ZNF805: variants seen among roughly 807,000 people sequenced by gnomAD.
The protein encoded by ZNF805 is zinc finger protein 805.
A neutral mutation model predicts 13.6 loss-of-function variants in ZNF805; 7 were observed. That is an observed-to-expected ratio of 0.51 (90% CI 0.29 to 0.97). The LOEUF is 0.97. Among genes scored for constraint, ZNF805 ranks in the 50% least tolerant of loss-of-function variants. ZNF805 has a pLI of 0.08. For missense variants in ZNF805, 604 were observed against 771.0 expected (o/e 0.78, Z 2.57); for synonymous variants, 293 against 279.8 (o/e 1.05, Z -0.47).
chr19:57,245,695 C>T (rs975117989), intron 2 of ZNF805, among the ~76,000 whole-genome samples: 25 of 151,312 alleles, frequency 1.7e-4, no homozygotes, highest in South Asian at 4.2e-4. Context: ...AGGAGAATGG[C>T]GTGAACCCAG....
intron 3 of ZNF805, among the ~76,000 whole-genome samples, chr19:57,252,686 A>G (rs2087658772): frequency 6.6e-6 from 1 of 152,194 alleles, no homozygotes; most frequent in South Asian, 2.1e-4. Flanking sequence ...TTCAGCTGAT[A>G]TCTTGTGGCT....
rs565177614 is a variant in ZNF805 at position 57,245,591 on chromosome 19, A to G, written c.157+1542A>G. On this transcript the variant is annotated intron_variant, in intron 2 of 3. Transcript: ENST00000414468. ...TCAGGAGATAGAGACCATCCTGGCT[A>G]ACACGGTGCAACCCTGTCTCTACTA... Among the ~76,000 whole-genome samples, 56 of 148,742 alleles carry G rather than the reference A, an allele frequency of 3.8e-4. No individual in the cohort carries two copies. The East Asian group carries it at 4.5e-3, about 12-fold the overall frequency.
At position 57,254,412 on chromosome 19, in the gene ZNF805, C is replaced by T. The variant is rs1248632764; in HGVS notation, c.1593C>T (p.Ile531=). 1.1e-5 allele frequency: 18 copies of T among 1,613,946 alleles called. No homozygotes were observed. In the South Asian group the frequency reaches 1.9e-4, roughly 17 times the overall value. ...CWSTNLIRHS[I]IHTGEKPYEC... is the part of the protein sequence containing the mutation. The stretch of plus-strand genomic sequence containing the variant: ...GCACAAACCTCATTCGACACTCTAT[C>T]ATCCACACTGGAGAGAAGCCGTATG... Residue 531 remains isoleucine (I), a synonymous_variant, in exon 4 of 4, where the codon ATC becomes ATT. Transcript: ENST00000414468.
rs1471534702 is a variant in ZNF805, at chr19:57,253,788, C to G, written c.969C>G (p.Ala323=). The part of the protein sequence containing the change: ...KPFVCKECGK[A]FRDRPGFIRH... ...TTGTGTGCAAAGAGTGTGGCAAAGCCTTTCGAGATAGGCCAGGTTTCATTC... is the reference window on the plus strand; with the variant it reads ...TTGTGTGCAAAGAGTGTGGCAAAGCGTTTCGAGATAGGCCAGGTTTCATTC... The change falls in exon 4 of 4, where the codon GCC becomes GCG. Residue 323 remains alanine, a synonymous_variant. Coordinates refer to ENST00000414468, the MANE Select transcript of ZNF805 (RefSeq NM_001023563.4). This position sits in a 1 kb window ranked among gnomAD's most constrained non-coding sequence, Gnocchi z 4.4. The G allele has an allele frequency of 6.2e-7, 1 of 1,613,918 alleles. No homozygotes were observed. The highest frequency in any genetic ancestry group is 1.7e-5 in the Admixed American group (1 of 59,994).
At chr19:57,247,968 A>C (rs1401928315) in intron 2 of ZNF805, among the ~76,000 whole-genome samples, 2 of 152,220 alleles carry the variant, frequency 1.3e-5, no homozygotes, top group Non-Finnish European at 2.9e-5. Flanking sequence ...GCACTCTGGG[A>C]GGCCTAGGCG....
chr19:57,258,626 C>CTTCCA lies in ZNF805; in HGVS notation c.*3925_*3926insCCATT, dbSNP rs71186240. On this transcript the variant is annotated 3_prime_UTR_variant, in exon 4 of 4. Transcript: ENST00000414468. ...AGCACTTTGATGTATAGAAACCTTA[C>CTTCCA]TTGGTCCCTTCACCTTGCCTGTTAA... Among the ~76,000 whole-genome samples the CTTCCA allele has an allele frequency of 0.44, 66,484 of 151,276 alleles. 15,822 individuals carry two copies. Among genetic ancestry groups the CTTCCA allele is most frequent in the Non-Finnish European group, 0.53 (35,953 of 67,666 alleles).
intron 1 of ZNF805, among the ~76,000 whole-genome samples, chr19:57,242,793 G>T (rs565263649): frequency 2.0e-5 from 3 of 152,348 alleles, no homozygotes; most frequent in African/African-American, 7.2e-5. Flanking sequence ...GCAAAAATAT[G>T]TAGAAATGCT....
chr19:57,254,364 G>A lies in ZNF805; in HGVS notation c.1545G>A (p.Glu515=), dbSNP rs1174228061. The A allele has an allele frequency of 3.7e-6, 6 of 1,613,894 alleles. No homozygotes were observed. Among genetic ancestry groups the A allele is most frequent in the Non-Finnish European group, 2.5e-6 (3 of 1,179,984 alleles). The change falls in exon 4 of 4, where the codon GAG becomes GAA. Residue 515 remains glutamate (E), a synonymous_variant. Transcript: ENST00000414468. ...GAGAGAAGCCCTATGAATGCATCGA[G>A]TGTGGGAAAACATTTTGCTGGAGCA... is the stretch of plus-strand genomic sequence containing the variant. ...HSGEKPYECI[E]CGKTFCWSTN... is the part of the protein sequence containing the mutation.
In ZNF805 at chr19:57,253,940, G is replaced by C; in HGVS notation, c.1121G>C (p.Ser374Thr). The C allele has an allele frequency of 6.2e-7, 1 of 1,613,450 alleles. No homozygotes were observed. The change falls in exon 4 of 4, where the codon AGT becomes ACT. Residue 374 changes from serine to threonine, a missense_variant. By Grantham distance (58) the Ser-to-Thr change is moderately conservative. Around this residue, in one of 3 missense-constraint regions of ZNF805, gnomAD observed 228 missense variants for 352.8 expected, o/e 0.65. Coordinates refer to ENST00000414468, the MANE Select transcript of ZNF805 (RefSeq NM_001023563.4). This position sits in a 1 kb window ranked among gnomAD's most constrained non-coding sequence, Gnocchi z 4.4. ...THTGEKPYEC[S>T]ECGKAFCESA... ...ACCGGGGAGAAGCCCTATGAGTGCA[G>C]TGAATGTGGGAAGGCCTTCTGTGAG...
At chr19:57,245,687 G>A (rs1006922947) in intron 2 of ZNF805, among the ~76,000 whole-genome samples, 2 of 151,474 alleles carry the variant, frequency 1.3e-5, no homozygotes, top group East Asian at 1.9e-4. Flanking sequence ...GCTGAGGCAG[G>A]AGAATGGCGT....
chr19:57,249,962 C>T (rs1174702207), intron 3 of ZNF805, among the ~76,000 whole-genome samples: 2 of 151,880 alleles, frequency 1.3e-5, no homozygotes, highest in Admixed American at 1.3e-4. Context: ...GTCCCCTCCT[C>T]AGTGCCACAT....
Position 57,244,027 on chromosome 19 carries a change from C to T in ZNF805, c.135C>T (p.Asn45=). ...TGTACCAGGAGGTGATGCTGGAAAA[C>T]TGTGGGCTCCTGGTATCTCTGGGTA... The part of the protein sequence containing the change: ...RTLYQEVMLE[N]CGLLVSLGCP... The change falls in exon 2 of 4, where the codon AAC becomes AAT. Residue 45 remains asparagine, a synonymous_variant. Coordinates refer to ENST00000414468, the MANE Select transcript of ZNF805 (RefSeq NM_001023563.4). 6.2e-7 allele frequency: 1 copy of T among 1,613,960 alleles called. No individual in the cohort carries two copies. Among genetic ancestry groups the T allele is most frequent in the Non-Finnish European group, 8.5e-7 (1 of 1,179,942 alleles).
Position 57,240,782 on chromosome 19 carries a change from C to G in ZNF805, c.-110C>G. On this transcript the variant is annotated 5_prime_UTR_variant, in exon 1 of 4. Transcript: ENST00000414468. ...CCCCGTAACGAGAGAGTTTGACTGT[C>G]AGCCAAGGTCACCGGGCCCGGCGCA... 1.9e-6 allele frequency: 2 copies of G among 1,068,428 alleles called. No individual in the cohort carries two copies. The highest frequency in any genetic ancestry group is 3.3e-5 in the South Asian group (2 of 61,248). The allele number at this position is 1,068,428 out of a possible 1,614,324, so 66.2% of individuals were successfully genotyped here.
At position 57,257,696 on chromosome 19, in the gene ZNF805, A is replaced by C. The variant is rs1386999167; in HGVS notation, c.*2993A>C. ...CTGTGGTTTTATATCCAGTTTGCGTATCTTTTTTTTTTTTTTTTTTTTTTT... is the reference window on the plus strand; with the variant it reads ...CTGTGGTTTTATATCCAGTTTGCGTCTCTTTTTTTTTTTTTTTTTTTTTTT... On this transcript the variant is annotated 3_prime_UTR_variant, in exon 4 of 4. Coordinates refer to ENST00000414468, the MANE Select transcript of ZNF805 (RefSeq NM_001023563.4). Among the ~76,000 whole-genome samples, 1 of 95,078 alleles carries C rather than the reference A, an allele frequency of 1.1e-5. No homozygotes were observed. The highest frequency in any genetic ancestry group is 3.3e-4 in the South Asian group (1 of 3,046). The allele number at this position is 95,078 out of a possible 152,430, so 62.4% of individuals were successfully genotyped here.
intron 2 of ZNF805, 149 bp downstream of exon 2, chr19:57,244,198 C>CA: frequency 1.6e-6 from 1 of 632,018 alleles, no homozygotes; most frequent in Non-Finnish European, 2.3e-6. Flanking sequence ...CTCACCTCTT[C>CA]CTTTTTTTTT....
chr19:57,257,066 A>G lies in ZNF805; in HGVS notation c.*2363A>G, dbSNP rs1006663365. ...TAACCCAGGAATTATTTAGAAGTAT[A>G]TTGTTTAATAGTGTTTGGAGTATTC... On this transcript the variant is annotated 3_prime_UTR_variant, in exon 4 of 4. Coordinates refer to ENST00000414468, the MANE Select transcript of ZNF805 (RefSeq NM_001023563.4). 1.3e-5 allele frequency among the ~76,000 whole-genome samples: 2 copies of G among 152,134 alleles called. No individual in the cohort carries two copies. Among genetic ancestry groups the G allele is most frequent in the Non-Finnish European group, 2.9e-5 (2 of 68,012 alleles).
At position 57,254,479 on chromosome 19, in the gene ZNF805, C is replaced by T. The variant is rs1372236212; in HGVS notation, c.1660C>T (p.Leu554Phe). 2 of 1,614,110 alleles carry T rather than the reference C, an allele frequency of 1.2e-6. No individual in the cohort carries two copies. The highest frequency in any genetic ancestry group is 1.7e-5 in the Admixed American group (1 of 60,016). ...CGKAFSRSSS[L>F]TQHQRMHTGR... Reference sequence around the variant, plus strand: ...AAAGGCCTTCAGTCGCAGCTCGTCCCTCACTCAGCATCAAAGGATGCATAC... The same window carrying T: ...AAAGGCCTTCAGTCGCAGCTCGTCCTTCACTCAGCATCAAAGGATGCATAC... The change falls in exon 4 of 4, where the codon CTC (leucine) becomes TTC (phenylalanine). Residue 554 changes from leucine to phenylalanine, a missense_variant. Transcript: ENST00000414468.
In ZNF805 at chr19:57,253,980, T is replaced by C; in HGVS notation, c.1161T>C (p.Ile387=). The C allele has an allele frequency of 6.2e-7, 1 of 1,611,494 alleles. No individual in the cohort carries two copies. Among genetic ancestry groups the C allele is most frequent in the South Asian group, 1.1e-5 (1 of 90,950 alleles). Residue 387 remains isoleucine, a synonymous_variant, in exon 4 of 4, where the codon ATT becomes ATC. Transcript: ENST00000414468. The surrounding 1 kb of genome is among the most constrained non-coding windows in gnomAD (Gnocchi z 4.4). ...GKAFCESAAL[I]HHYVIHTGEK... ...CCTTCTGTGAGAGCGCAGCGCTGAT[T>C]CACCACTATGTCATCCACACTGGAG...
At chr19:57,252,145 C>T (rs1452381399) in intron 3 of ZNF805, among the ~76,000 whole-genome samples, 1 of 152,186 alleles carries the variant, frequency 6.6e-6, no homozygotes, top group African/African-American at 2.4e-5. Context: ...TATTCTTTCT[C>T]CTAAGGCTAT....
Sources: gnomAD v4.1 joint callset for allele counts (sites outside exome capture counted in the v4.1 genomes callset) on GRCh38, gnomAD v4.1.1 for gene constraint, gnomAD v4.1.1 regional missense constraint, Gnocchi (gnomAD v3.1) non-coding constraint, MANE v1.5 for transcripts, NCBI Gene and HGNC (gene_info 2026-07-23, HGNC 2026-07-21) for gene names.